POLQ: variants seen among roughly 807,000 people sequenced by gnomAD.
The protein encoded by POLQ is DNA polymerase theta, also known as epididymis secretory sperm binding protein.
Under a neutral mutation model 259.2 loss-of-function variants are expected in POLQ, and 233 were observed. The ratio of observed to expected loss-of-function variants is 0.90; its 90% CI spans 0.81 to 1.00. The LOEUF is 1.00. Ranked by LOEUF, POLQ falls within the 50% of genes least tolerant of loss-of-function variation. The probability of loss-of-function intolerance (pLI) is 0.00; values close to 1 mark genes in which losing one functional copy is unlikely to be tolerated. For synonymous variants in POLQ, 1,025 were observed against 1,048.8 expected, an observed-to-expected ratio of 0.98 and a Z score of 0.44; for missense variants, 2,871 against 3,051.6, an observed-to-expected ratio of 0.94 and a Z score of 1.39.
intron 25 of POLQ, among the ~76,000 whole-genome samples, chr3:121,457,485 T>A (rs1474448589): frequency 6.6e-6 from 1 of 152,104 alleles, no homozygotes; most frequent in Non-Finnish European, 1.5e-5. Flanking sequence ...AACCTACTCA[T>A]CTGACAAAGG....
intron 25 of POLQ, among the ~76,000 whole-genome samples, chr3:121,452,953 C>T (rs1383753284): frequency 6.6e-6 from 1 of 152,172 alleles, no homozygotes; most frequent in Non-Finnish European, 1.5e-5. Flanking sequence ...GGTCCCTGAC[C>T]CTTGACCCCC....
At chr3:121,479,622 T>C (rs963220995) in intron 19 of POLQ, among the ~76,000 whole-genome samples, 1 of 151,946 alleles carries the variant, frequency 6.6e-6, no homozygotes, top group African/African-American at 2.4e-5. Flanking sequence ...CCCAGCTAAT[T>C]TTTGATTTTT....
At chr3:121,459,986 T>G in intron 25 of POLQ, 64 bp downstream of exon 25, 2 of 1,277,060 alleles carry the variant, frequency 1.6e-6, no homozygotes, top group Non-Finnish European at 2.3e-6. Context: ...ATTGAGACCA[T>G]TTTTAATTTT....
At chr3:121,455,378 A>ATTAG (rs1339782678) in intron 25 of POLQ, among the ~76,000 whole-genome samples, 1 of 146,572 alleles carries the variant, frequency 6.8e-6, no homozygotes. Flanking sequence ...GAAATAACTA[A>ATTAG]AATCAGAGCA....
Position 121,490,394 on chromosome 3 carries a change from A to G in POLQ, c.2537T>C (p.Val846Ala). The G allele has an allele frequency of 6.2e-7, 1 of 1,613,926 alleles. No homozygotes were observed. Among genetic ancestry groups the G allele is most frequent in the Non-Finnish European group, 8.5e-7 (1 of 1,179,860 alleles). Reference sequence around the variant, plus strand: ...TTCAACTGCTTCCTCTTCCTCATCCACTGCCTTCCGGGCACTACACAAGGA... The same window carrying G: ...TTCAACTGCTTCCTCTTCCTCATCCGCTGCCTTCCGGGCACTACACAAGGA... Reference protein sequence around the residue: ...AVPFKSARKAVDEEEEAVEER... With the variant: ...AVPFKSARKAADEEEEAVEER... Residue 846 changes from valine (V) to alanine (A), a missense_variant, in exon 16 of 30, where the codon GTG becomes GCG. Coordinates refer to ENST00000264233, the MANE Select transcript of POLQ (RefSeq NM_199420.4).
In POLQ at chr3:121,487,398, G is replaced by A. The variant is rs745687314; in HGVS notation, c.5533C>T (p.Arg1845Trp). Residue 1845 changes from arginine to tryptophan, a missense_variant, in exon 16 of 30, where the codon CGG (arginine) becomes TGG (tryptophan). Arg to Trp is a moderately radical substitution (Grantham distance 101). Transcript: ENST00000264233. ...GAGATGGAAAATCGCTTTTTGCACC[G>A]CCACTCCTTAATGAATGTTTGGAAA... ...NLFQTFIKEW[R>W]CKKRFSISLA... is the part of the protein sequence containing the mutation. 9.9e-6 allele frequency: 16 copies of A among 1,613,182 alleles called. No individual in the cohort carries two copies. Among genetic ancestry groups the A allele is most frequent in the Admixed American group, 8.4e-5 (5 of 59,878 alleles).
chr3:121,502,385 G>T (rs557850659), intron 12 of POLQ, among the ~76,000 whole-genome samples: 1 of 152,184 alleles, frequency 6.6e-6, no homozygotes, highest in Admixed American at 6.5e-5. Context: ...TGTATTTTTA[G>T]TAAAGATGGG....
chr3:121,457,184 T>G (rs1398353015), intron 25 of POLQ, among the ~76,000 whole-genome samples: 1 of 152,204 alleles, frequency 6.6e-6, no homozygotes, highest in Non-Finnish European at 1.5e-5. Context: ...TAGCCATATG[T>G]AGAAACCTGA....
chr3:121,527,645 T>G (rs1461626010), intron 7 of POLQ, among the ~76,000 whole-genome samples: 7 of 152,192 alleles, frequency 4.6e-5, no homozygotes, highest in African/African-American at 1.4e-4. Context: ...CTCGATGCAT[T>G]TATCTTAAAA....
intron 12 of POLQ, among the ~76,000 whole-genome samples, chr3:121,506,508 G>A (rs2048210410): frequency 6.6e-6 from 1 of 152,018 alleles, no homozygotes; most frequent in Non-Finnish European, 1.5e-5. Context: ...TGGGGAAAAT[G>A]TTCAAATTTA....
intron 7 of POLQ, among the ~76,000 whole-genome samples, chr3:121,525,345 A>G (rs977083936): frequency 2.1e-5 from 2 of 94,400 alleles, no homozygotes; most frequent in African/African-American, 6.0e-5. Flanking sequence ...CGTCTCAAAA[A>G]AAAAAAAAGA....
At chr3:121,455,742 A>G (rs2047730117) in intron 25 of POLQ, among the ~76,000 whole-genome samples, 1 of 152,366 alleles carries the variant, frequency 6.6e-6, no homozygotes, top group South Asian at 2.1e-4. Context: ...GCAATAATCA[A>G]TAGCTTACCA....
chr3:121,474,031 T>C (rs573494386), intron 20 of POLQ, among the ~76,000 whole-genome samples: 5 of 152,304 alleles, frequency 3.3e-5, no homozygotes, highest in African/African-American at 1.2e-4. Context: ...ACAGCCAGCT[T>C]TTAAGCAGTC....
At chr3:121,433,201 A>G (rs1360224352) in intron 28 of POLQ, among the ~76,000 whole-genome samples, 168 bp from the exon 29 acceptor site, 1 of 152,232 alleles carries the variant, frequency 6.6e-6, no homozygotes, top group African/African-American at 2.4e-5. Context: ...TACCCTAAGT[A>G]TCCGGTATAA....
Position 121,545,757 on chromosome 3 carries a change from G to A in POLQ, c.121C>T (p.Pro41Ser), listed in dbSNP as rs1047413088. The A allele has an allele frequency of 2.5e-6, 4 of 1,599,820 alleles. No homozygotes were observed. Among genetic ancestry groups the A allele is most frequent in the Non-Finnish European group, 3.4e-6 (4 of 1,173,484 alleles). ...AGGCAGCGACCAAGGCCGGGCGGCG[G>A]GCTCAGCACGGACCCGGAGAGGAAC... is the stretch of plus-strand genomic sequence containing the variant. ...PQFLSGSVLS[P>S]PPGLGRCLKA... is the part of the protein sequence containing the mutation. Residue 41 changes from proline (P) to serine (S), a missense_variant, in exon 1 of 30, where the codon CCG (proline) becomes TCG (serine). Pro to Ser is a moderately conservative substitution (Grantham distance 74). Around this residue, in one of 3 missense-constraint regions of POLQ, gnomAD observed 783 missense variants for 906.2 expected, o/e 0.86. Coordinates refer to ENST00000264233, the MANE Select transcript of POLQ (RefSeq NM_199420.4).
chr3:121,522,191 G>C (rs1226572130), intron 7 of POLQ, 42 bp from the exon 8 acceptor site: 4 of 1,416,258 alleles, frequency 2.8e-6, no homozygotes, highest in Non-Finnish European at 3.8e-6. Flanking sequence ...TTCTAACTCA[G>C]CTTCTTTAAG....
At chr3:121,462,598 A>T (rs1184920356) in intron 24 of POLQ, among the ~76,000 whole-genome samples, 1 of 152,246 alleles carries the variant, frequency 6.6e-6, no homozygotes, top group Non-Finnish European at 1.5e-5. Flanking sequence ...GCGCCAAAGA[A>T]CAGACACTGA....
chr3:121,447,835 AG>A (rs1215818955), intron 26 of POLQ, among the ~76,000 whole-genome samples: 2 of 152,164 alleles, frequency 1.3e-5, no homozygotes, highest in Non-Finnish European at 2.9e-5. Context: ...ATATTATTCC[AG>A]GGTAAAAGCT....
intron 1 of POLQ, 54 bp downstream of exon 1, chr3:121,545,661 A>G: frequency 6.7e-7 from 1 of 1,492,498 alleles, no homozygotes; most frequent in Admixed American, 2.1e-5. Context: ...CTCCCGACCC[A>G]TGGCCCGGCG....
Sources: gnomAD v4.1 joint callset for allele counts (sites outside exome capture counted in the v4.1 genomes callset) on GRCh38, gnomAD v4.1.1 for gene constraint, gnomAD v4.1.1 regional missense constraint, MANE v1.5 for transcripts, NCBI Gene and HGNC (gene_info 2026-07-23, HGNC 2026-07-21) for gene names.